C9orf72: variants seen among roughly 807,000 people sequenced by gnomAD.
C9orf72 encodes C9orf72-SMCR8 complex subunit, also known as guanine nucleotide exchange factor C9orf72.
C9orf72 carries 44 observed loss-of-function variants against 51.6 expected under a neutral mutation model. The observed-to-expected ratio is 0.85, with a 90% CI of 0.67 to 1.10. The LOEUF is 1.10. C9orf72 is among the 50% of genes least tolerant of loss of function. C9orf72 has a pLI of 0.00. For synonymous variants in C9orf72, 213 were observed against 194.2 expected (o/e 1.10, Z -0.81); for missense variants, 607 against 570.6 (o/e 1.06, Z -0.65).
chr9:27,553,470 C>T (rs190807191), intron 8 of C9orf72, among the ~76,000 whole-genome samples: 8 of 152,230 alleles, frequency 5.3e-5, no homozygotes, highest in Admixed American at 3.9e-4. Flanking sequence ...GAAAGGACTC[C>T]GTATTCAATA....
intron 8 of C9orf72, among the ~76,000 whole-genome samples, chr9:27,552,196 G>A (rs913233993): frequency 2.0e-5 from 3 of 152,148 alleles, no homozygotes; most frequent in African/African-American, 7.2e-5. Context: ...GAAAAGGAGT[G>A]GTGAGAGTGG....
rs1350868640 is a variant in C9orf72, at chr9:27,548,219, C to T, written c.*17G>A. The T allele has an allele frequency of 6.3e-7, 1 of 1,586,254 alleles. No homozygotes were observed. Among genetic ancestry groups the T allele is most frequent in the African/African-American group, 1.4e-5 (1 of 73,854 alleles). On this transcript the variant is annotated 3_prime_UTR_variant, in exon 11 of 11. Coordinates refer to ENST00000380003, the MANE Select transcript of C9orf72 (RefSeq NM_018325.5). ...GCGATCATGATTGTGATGGAATAGG[C>T]TTATTAAGTTACACATTTAAAAAGT... is the stretch of plus-strand genomic sequence containing the variant.
chr9:27,559,642 C>T (rs1208530034), intron 6 of C9orf72: 1 of 152,110 alleles, frequency 6.6e-6, no homozygotes, highest in Non-Finnish European at 1.5e-5. Flanking sequence ...CTCTTTCTAA[C>T]TAATGGTCAG....
intron 5 of C9orf72, 193 bp downstream of exon 5, chr9:27,561,392 G>C (rs530382689): frequency 7.6e-7 from 1 of 1,320,434 alleles, no homozygotes; most frequent in African/African-American, 1.6e-5. Context: ...AATAGCAAAT[G>C]GAATAACACC....
At chr9:27,553,096 C>A (rs1280202045) in intron 8 of C9orf72, among the ~76,000 whole-genome samples, 1 of 152,042 alleles carries the variant, frequency 6.6e-6, no homozygotes, top group African/African-American at 2.4e-5. Flanking sequence ...AAAAACATTC[C>A]ATATTCATAG....
At chr9:27,560,633 T>C (rs998505062) in intron 5 of C9orf72, 1 of 1,015,584 alleles carries the variant, frequency 9.8e-7, no homozygotes. Flanking sequence ...TCAAATGGGA[T>C]TTAAAATGAT....
chr9:27,572,693 G>A (rs185718548), intron 1 of C9orf72, among the ~76,000 whole-genome samples: 1 of 152,204 alleles, frequency 6.6e-6, no homozygotes, highest in East Asian at 1.9e-4. Flanking sequence ...GCCTGGTGGT[G>A]TTCAACGCGG....
rs1198373549 is a variant in C9orf72 at position 27,548,570 on chromosome 9, T to C, written c.1246A>G (p.Ile416Val). The C allele has an allele frequency of 6.9e-6, 11 of 1,589,272 alleles. No individual in the cohort carries two copies. Among genetic ancestry groups the C allele is most frequent in the East Asian group, 2.2e-5 (1 of 44,748 alleles). Reference protein sequence around the residue: ...HRKALTLIKYIEDDTQKGKKP... With the variant: ...HRKALTLIKYVEDDTQKGKKP... ...AGTTTTACTCACGTATCGTCTTCTA[T>C]ATATTTTATTAGTGTCAAGGCTTTT... is the stretch of plus-strand genomic sequence containing the variant. Residue 416 changes from isoleucine (I) to valine (V), a missense_variant, in exon 10 of 11, where the codon ATA (isoleucine) becomes GTA (valine). Transcript: ENST00000380003.
Position 27,548,434 on chromosome 9 carries a change from G to GTAA in C9orf72, c.1260-13_1260-12insTTA. The stretch of plus-strand genomic sequence containing the variant: ...TTTTTCCCTTCTGCCTAAAAATAAT[G>GTAA]GAAAAAAAAAAAAAAAAAAAAAAAA... On this transcript the variant is annotated splice_polypyrimidine_tract_variant and intron_variant, in intron 10 of 10. Coordinates refer to ENST00000380003, the MANE Select transcript of C9orf72 (RefSeq NM_018325.5). The GTAA allele has an allele frequency of 3.7e-5, 3 of 80,724 alleles. No homozygotes were observed. Among genetic ancestry groups the GTAA allele is most frequent in the Non-Finnish European group, 5.7e-5 (3 of 52,376 alleles). 5.0% of individuals were successfully genotyped at this position (80,724 alleles called of 1,614,324 possible). A position where few individuals can be genotyped will look rare whatever the true frequency, so the allele number is the denominator to read the frequency against.
chr9:27,555,971 AT>A (rs1437850653), intron 8 of C9orf72, among the ~76,000 whole-genome samples: 4 of 141,770 alleles, frequency 2.8e-5, no homozygotes, highest in Non-Finnish European at 1.6e-5. Context: ...TATCATCATC[AT>A]TTTTTTTTTC....
Position 27,561,622 on chromosome 9 carries a change from C to T in C9orf72, c.628G>A (p.Asp210Asn). ...DIADTVLNDD[D>N]IGDSCHEGFL... ...CCTTCATGACAGCTGTCACCAATATCATCATCATTGAGTACTGTATCAGCT... is the reference window on the plus strand; with the variant it reads ...CCTTCATGACAGCTGTCACCAATATTATCATCATTGAGTACTGTATCAGCT... Residue 210 changes from aspartate to asparagine, a missense_variant, in exon 5 of 11, where the codon GAT (aspartate) becomes AAT (asparagine). By Grantham distance (23) the Asp-to-Asn change is conservative. Coordinates refer to ENST00000380003, the MANE Select transcript of C9orf72 (RefSeq NM_018325.5). The T allele has an allele frequency of 1.2e-6, 2 of 1,609,720 alleles. No individual in the cohort carries two copies. The highest frequency in any genetic ancestry group is 1.7e-6 in the Non-Finnish European group (2 of 1,177,016).
intron 1 of C9orf72, among the ~76,000 whole-genome samples, chr9:27,573,120 C>T (rs980567405): frequency 6.6e-6 from 1 of 152,172 alleles, no homozygotes; most frequent in African/African-American, 2.4e-5. Context: ...GCAGCGGCAG[C>T]GCTCCCAGCG....
intron 5 of C9orf72, chr9:27,560,628 T>C (rs1455631953): frequency 9.8e-7 from 1 of 1,016,370 alleles, no homozygotes; most frequent in Non-Finnish European, 1.2e-6. Flanking sequence ...TAAAGTCAAA[T>C]GGGATTTAAA....
At chr9:27,564,363 C>T (rs1291498925) in intron 3 of C9orf72, among the ~76,000 whole-genome samples, 1 of 152,072 alleles carries the variant, frequency 6.6e-6, no homozygotes, top group Non-Finnish European at 1.5e-5. Context: ...TTTGAAAAAA[C>T]AAAATCCCAG....
intron 3 of C9orf72, among the ~76,000 whole-genome samples, chr9:27,563,393 C>T (rs927176354): frequency 6.6e-6 from 1 of 152,140 alleles, no homozygotes; most frequent in Non-Finnish European, 1.5e-5. Context: ...CTACCACCAC[C>T]AGTCTCATCA....
Position 27,556,671 on chromosome 9 carries a change from A to C in C9orf72, c.981T>G (p.Asn327Lys). ...QMPPCHEHIY[N>K]QRRYMRSELT... is the part of the protein sequence containing the mutation. ...GCTCGGATCTCATGTATCTACGCTG[A>C]TTATAAATATGTTCATGACAGGGTG... The change falls in exon 8 of 11, where the codon AAT becomes AAG. Residue 327 changes from asparagine (N) to lysine (K), a missense_variant. Physicochemically the swap from Asn to Lys is moderately conservative, Grantham distance 94 (BLOSUM62 0). Coordinates refer to ENST00000380003, the MANE Select transcript of C9orf72 (RefSeq NM_018325.5). 6.2e-7 allele frequency: 1 copy of C among 1,614,004 alleles called. No homozygotes were observed. The highest frequency in any genetic ancestry group is 8.5e-7 in the Non-Finnish European group (1 of 1,179,902).
intron 9 of C9orf72, 93 bp from the exon 10 acceptor site, chr9:27,548,759 A>G (rs889659172): frequency 4.2e-6 from 3 of 706,784 alleles, no homozygotes; most frequent in Non-Finnish European, 7.6e-6. Context: ...TTGGCAGACA[A>G]TACACACTAA....
rs181815263 is a variant in C9orf72 at position 27,566,982 on chromosome 9, G to C, written c.139C>G (p.Pro47Ala). 8.1e-6 allele frequency: 13 copies of C among 1,614,014 alleles called. No individual in the cohort carries two copies. The African/African-American group carries it at 1.3e-4, about 17-fold the overall frequency. ...CTGAGAAGTACCTGTTCTGTCTTTG[G>C]AGCCCAAATGTGCCTTACTCTAGGA... ...LGPRVRHIWA[P>A]KTEQVLLSDG... Residue 47 changes from proline (P) to alanine (A), a missense_variant, in exon 2 of 11, where the codon CCA becomes GCA. By Grantham distance (27) the Pro-to-Ala change is conservative (BLOSUM62 -1). Coordinates refer to ENST00000380003, the MANE Select transcript of C9orf72 (RefSeq NM_018325.5).
At chr9:27,570,549 A>C (rs930488075) in intron 1 of C9orf72, among the ~76,000 whole-genome samples, 1 of 151,638 alleles carries the variant, frequency 6.6e-6, no homozygotes, top group African/African-American at 2.4e-5. Context: ...TGCTAGTTAC[A>C]CTCTCACTCC....
Sources: allele counts gnomAD v4.1 joint callset (sites outside exome capture counted in the v4.1 genomes callset), GRCh38; gene constraint gnomAD v4.1.1; transcripts MANE v1.5; gene names NCBI Gene and HGNC (gene_info 2026-07-23, HGNC 2026-07-21).